MYH6: variants seen among roughly 807,000 people sequenced by gnomAD.
MYH6 encodes myosin-6.
Under a neutral mutation model 223.2 loss-of-function variants are expected in MYH6, and 126 were observed. The ratio of observed to expected loss-of-function variants is 0.56; its 90% CI spans 0.49 to 0.65. MYH6 has a LOEUF of 0.65. MYH6 is among the 30% of genes least tolerant of loss of function. MYH6 has a pLI of 0.00. For synonymous variants in MYH6, 978 were observed against 1,010.2 expected, an observed-to-expected ratio of 0.97 and a Z score of 0.61; for missense variants, 2,040 against 2,536.4, an observed-to-expected ratio of 0.80 and a Z score of 4.20.
rs768615013 is a variant in MYH6, at chr14:23,384,434, C to CAA, written c.5565+7_5565+8insTT. On this transcript the variant is annotated splice_region_variant and intron_variant, in intron 36 of 38. Transcript: ENST00000405093. ...ACATCTACTCCTGGTGTCTGGCGTC[C>CAA]GCCGCACCTGGTAGGTGAGCTCCTT... 26 of 1,608,970 alleles carry CAA rather than the reference C, an allele frequency of 1.6e-5. No individual in the cohort carries two copies. Among genetic ancestry groups the CAA allele is most frequent in the Non-Finnish European group, 2.1e-5 (25 of 1,180,004 alleles).
At chr14:23,397,935 T>TCC (rs1566512298) in intron 15 of MYH6, among the ~76,000 whole-genome samples, 224 of 57,552 alleles carry the variant, frequency 3.9e-3, no homozygotes, top group African/African-American at 5.0e-3. Context: ...CCTCCTCCTC[T>TCC]TCTTCTTCTT....
rs1033363939 is a variant in MYH6 at position 23,390,107 on chromosome 14, G to A, written c.3682C>T (p.Leu1228=). The A allele has an allele frequency of 1.3e-5, 21 of 1,612,536 alleles. No individual in the cohort carries two copies. The highest frequency in any genetic ancestry group is 1.7e-5 in the Non-Finnish European group (20 of 1,179,660). ...KLEKEKSEFK[L]ELDDVTSNME... is the part of the protein sequence containing the mutation. ...TTGGAGGTGACGTCATCCAGCTCCA[G>A]CTTGAACTCGCTCTTCTCCTTCTCC... The change falls in exon 26 of 39, where the codon CTG becomes TTG. Residue 1228 remains leucine, a synonymous_variant. Transcript: ENST00000405093.
intron 23 of MYH6, 99 bp downstream of exon 23, chr14:23,393,243 G>T: frequency 6.6e-7 from 1 of 1,523,440 alleles, no homozygotes; most frequent in Non-Finnish European, 9.1e-7. Context: ...AAGCTTCAGG[G>T]GCCATAGAAG....
chr14:23,400,585 C>T (rs922848969), intron 13 of MYH6, 124 bp downstream of exon 13: 1 of 1,585,196 alleles, frequency 6.3e-7, no homozygotes, highest in African/African-American at 1.3e-5. Flanking sequence ...CAATGACTGC[C>T]TCTGTCACCA....
chr14:23,394,196 T>A lies in MYH6; in HGVS notation c.2557A>T (p.Thr853Ser), dbSNP rs1891327147. 1 of 1,614,138 alleles carries A rather than the reference T, an allele frequency of 6.2e-7. No homozygotes were observed. Among genetic ancestry groups the A allele is most frequent in the African/African-American group, 1.3e-5 (1 of 74,944 alleles). Reference protein sequence around the residue: ...KSAETEKEMATMKEEFGRIKE... With the variant: ...KSAETEKEMASMKEEFGRIKE... Reference sequence around the variant, plus strand: ...ATGCGCCCGAACTCTTCCTTCATGGTGGCCATCTCCTTCTCCGTCTCTGCG... The same window carrying A: ...ATGCGCCCGAACTCTTCCTTCATGGAGGCCATCTCCTTCTCCGTCTCTGCG... The change falls in exon 21 of 39, where the codon ACC becomes TCC. Residue 853 changes from threonine to serine, a missense_variant. Thr to Ser is a moderately conservative substitution (Grantham distance 58). This residue lies in a region of MYH6 where 649 missense variants were observed against 877.3 expected (regional missense o/e 0.74). Transcript: ENST00000405093.
intron 30 of MYH6, 28 bp from the exon 31 acceptor site, chr14:23,387,951 G>GC (rs1475330635): frequency 3.7e-6 from 6 of 1,611,872 alleles, no homozygotes; most frequent in South Asian, 1.1e-5. Flanking sequence ...TCACTCTTCA[G>GC]CCCCCCAGCC....
At position 23,384,336 on chromosome 14, in the gene MYH6, C is replaced by T. The variant is rs988199475; in HGVS notation, c.5565+106G>A. On this transcript the variant is annotated intron_variant, in intron 36 of 38. Transcript: ENST00000405093. ...GAGCGTGAGAAGAACGTTAAATCTA[C>T]CAACAGCATCTCAAGGAGGAGGTGA... 3 of 1,549,826 alleles carry T rather than the reference C, an allele frequency of 1.9e-6. No homozygotes were observed. In the African/African-American group the frequency reaches 4.1e-5, roughly 21 times the overall value.
chr14:23,387,562 C>T lies in MYH6; in HGVS notation c.4617G>A (p.Lys1539=). 6.2e-7 allele frequency: 1 copy of T among 1,614,116 alleles called. No individual in the cohort carries two copies. Among genetic ancestry groups the T allele is most frequent in the African/African-American group, 1.3e-5 (1 of 75,042 alleles). The change falls in exon 32 of 39, where the codon AAG becomes AAA. Residue 1539 remains lysine (K), a synonymous_variant. Coordinates refer to ENST00000405093, the MANE Select transcript of MYH6 (RefSeq NM_002471.4). ...EKVRKQLEVE[K]LELQSALEEA... ...CCTCCAGGGCTGACTGCAGCTCCAG[C>T]TTCTCCACCTCCAGCTGTTTGCGGA...
rs193922654 is a variant in MYH6 at position 23,384,499 on chromosome 14, T to C, written c.5508A>G (p.Ala1836=). The C allele has an allele frequency of 3.7e-6, 6 of 1,613,084 alleles. No individual in the cohort carries two copies. The highest frequency in any genetic ancestry group is 5.1e-6 in the Non-Finnish European group (6 of 1,180,040). ...GELEAEQKRN[A]ESVKGMRKSE... ...TCTTCCTCATGCCCTTCACCGACTC[T>C]GCGTTGCGCTTCTGCTCGGCCTCCA... The change falls in exon 36 of 39, where the codon GCA becomes GCG. Residue 1836 remains alanine (A), a synonymous_variant. Coordinates refer to ENST00000405093, the MANE Select transcript of MYH6 (RefSeq NM_002471.4).
chr14:23,400,597 A>G (rs28671012), intron 13 of MYH6, 112 bp downstream of exon 13: 136,363 of 1,591,192 alleles, frequency 0.086, 6,151 homozygotes, highest in Middle Eastern at 0.13. Flanking sequence ...CTGTCACCAC[A>G]CAGTCCCCAC....
chr14:23,397,952 CT>C lies in MYH6; in HGVS notation c.1892-340del, dbSNP rs1426292856. On this transcript the variant is annotated intron_variant, in intron 15 of 38. Coordinates refer to ENST00000405093, the MANE Select transcript of MYH6 (RefSeq NM_002471.4). The stretch of plus-strand genomic sequence containing the variant: ...TCCTCCTCTTCTTCTTCTTCTTCTT[CT>C]TCTTCTTCTTCTTCTTCTTCTTCTT... Among the ~76,000 whole-genome samples, 87 of 91,232 alleles carry C rather than the reference CT, an allele frequency of 9.5e-4. 4 individuals are homozygous for C. Among genetic ancestry groups the C allele is most frequent in the African/African-American group, 4.1e-3 (86 of 20,780 alleles). 59.9% of individuals were successfully genotyped at this position (91,232 alleles called of 152,430 possible).
In MYH6 at chr14:23,403,670, G is replaced by T. The variant is rs1319584708; in HGVS notation, c.799+45C>A. The T allele has an allele frequency of 3.9e-6, 6 of 1,550,494 alleles. No homozygotes were observed. In the Admixed American group the frequency reaches 5.2e-5, roughly 14 times the overall value. On this transcript the variant is annotated intron_variant, in intron 9 of 38. Transcript: ENST00000405093. ...ACTGGCCGCCAGGCAGGGAGAGAAG[G>T]CAGAGGGGGACCTAGAGGGTGGCAG...
rs769164879 is a variant in MYH6 at position 23,405,301 on chromosome 14, A to G, written c.424T>C (p.Tyr142His). 1.2e-6 allele frequency: 2 copies of G among 1,614,186 alleles called. No homozygotes were observed. Among genetic ancestry groups the G allele is most frequent in the Non-Finnish European group, 1.7e-6 (2 of 1,180,016 alleles). The stretch of plus-strand genomic sequence containing the variant: ...GCCTCACTCCTCTTCTTGCCCCGGT[A>G]GGCGGCCACCACCTCGGCATTGTAC... ...PVYNAEVVAAYRGKKRSEAPP... is the reference protein window; with the variant it reads ...PVYNAEVVAAHRGKKRSEAPP... Residue 142 changes from tyrosine (Y) to histidine (H), a missense_variant, in exon 5 of 39, where the codon TAC (tyrosine) becomes CAC (histidine). Transcript: ENST00000405093. The surrounding 1 kb of genome is among the most constrained non-coding windows in gnomAD (Gnocchi z 4.7).
chr14:23,389,648 G>A lies in MYH6; in HGVS notation c.3804C>T (p.Ala1268=). 6.2e-7 allele frequency: 1 copy of A among 1,614,126 alleles called. No homozygotes were observed. Among genetic ancestry groups the A allele is most frequent in the Non-Finnish European group, 8.5e-7 (1 of 1,180,020 alleles). ...ANEYRVKLEE[A]QRSLNDFTTQ... Reference sequence around the variant, plus strand: ...TGGTGAAATCATTGAGGGAGCGTTGGGCCTCTTCTAGCTTCACGCGGTACT... The same window carrying A: ...TGGTGAAATCATTGAGGGAGCGTTGAGCCTCTTCTAGCTTCACGCGGTACT... The change falls in exon 27 of 39, where the codon GCC becomes GCT. Residue 1268 remains alanine, a synonymous_variant. Coordinates refer to ENST00000405093, the MANE Select transcript of MYH6 (RefSeq NM_002471.4).
intron 35 of MYH6, 67 bp downstream of exon 35, chr14:23,384,849 T>A: frequency 1.2e-6 from 2 of 1,613,216 alleles, no homozygotes; most frequent in Non-Finnish European, 8.5e-7. Flanking sequence ...TACAGCACAG[T>A]GGCCTGGCCT....
chr14:23,406,164 T>C (rs1330560598), intron 3 of MYH6, among the ~76,000 whole-genome samples: 2 of 152,172 alleles, frequency 1.3e-5, no homozygotes, highest in African/African-American at 4.8e-5. Context: ...CTTTAGGGTA[T>C]CTGTTGCTCA....
intron 25 of MYH6, among the ~76,000 whole-genome samples, chr14:23,392,086 C>A (rs1208236505): frequency 6.6e-6 from 1 of 152,084 alleles, no homozygotes; most frequent in South Asian, 2.1e-4. Context: ...GACTTGCTCA[C>A]AGTTGTTGGA....
intron 36 of MYH6, 82 bp downstream of exon 36, chr14:23,384,360 G>A (rs1359284815): frequency 6.3e-7 from 1 of 1,590,088 alleles, no homozygotes; most frequent in Non-Finnish European, 8.5e-7. Context: ...AGGAGGAGGT[G>A]AGAGGAGCCC....
At position 23,389,403 on chromosome 14, in the gene MYH6, TC is replaced by T. The variant is rs751783063; in HGVS notation, c.3967del (p.Glu1323ArgfsTer105). 2.5e-6 allele frequency: 4 copies of T among 1,614,120 alleles called. No individual in the cohort carries two copies. In the South Asian group the frequency reaches 3.3e-5, roughly 13 times the overall value. On this transcript the variant is annotated frameshift_variant, in exon 28 of 39. Coordinates refer to ENST00000405093, the MANE Select transcript of MYH6 (RefSeq NM_002471.4). LOFTEE classifies it high-confidence loss of function. Reference sequence around the variant, plus strand: ...CCCACTGGGCCTCACCTTGCCCTCCTCCTCCAGCTGCCTTTTGAGGTCCTCC... The same window carrying T: ...CCCACTGGGCCTCACCTTGCCCTCCTCTCCAGCTGCCTTTTGAGGTCCTCC... The part of the protein sequence containing the change: ...QMEDLKRQLE[E>X]EGKAKNALAH...
Sources: allele counts gnomAD v4.1 joint callset (sites outside exome capture counted in the v4.1 genomes callset), GRCh38; gene constraint gnomAD v4.1.1; regional missense constraint gnomAD v4.1.1; non-coding constraint Gnocchi (gnomAD v3.1); transcripts MANE v1.5; gene names NCBI Gene and HGNC (gene_info 2026-07-23, HGNC 2026-07-21).